Variants in ANO10 observed in about 807,000 individuals in gnomAD.
ANO10 encodes anoctamin 10.
Under a neutral mutation model 74.7 loss-of-function variants are expected in ANO10, and 77 were observed. The ratio of observed to expected loss-of-function variants is 1.03; its 90% CI spans 0.86 to 1.25. The LOEUF is 1.25. Among genes scored for constraint, ANO10 ranks in the 50% most tolerant of loss-of-function variants. ANO10 has a pLI of 0.00. For missense variants in ANO10, 721 were observed against 778.1 expected, an observed-to-expected ratio of 0.93 and a Z score of 0.87; for synonymous variants, 279 against 284.9, an observed-to-expected ratio of 0.98 and a Z score of 0.21.
intron 11 of ANO10, among the ~76,000 whole-genome samples, chr3:43,507,058 CTAATTCCTACTT>C (rs1363858026): frequency 6.6e-6 from 1 of 152,178 alleles, no homozygotes; most frequent in East Asian, 1.9e-4. Flanking sequence ...TGAATGAGTT[CTAATTCCTACTT>C]ATTGGAAGAT....
chr3:43,368,674 CT>C (rs752443109), intron 12 of ANO10, among the ~76,000 whole-genome samples: 14 of 151,412 alleles, frequency 9.2e-5, no homozygotes, highest in Non-Finnish European at 1.6e-4. Context: ...ACTTGTAAGA[CT>C]TTTAAAATGT....
intron 11 of ANO10, among the ~76,000 whole-genome samples, chr3:43,541,691 A>G (rs538195881): frequency 2.0e-4 from 31 of 152,332 alleles, no homozygotes; most frequent in African/African-American, 7.2e-4. Context: ...ACTTGAAAAC[A>G]AAGAGTTAAA....
At chr3:43,454,663 T>G (rs573332420) in intron 11 of ANO10, among the ~76,000 whole-genome samples, 1 of 151,846 alleles carries the variant, frequency 6.6e-6, no homozygotes, top group East Asian at 2.0e-4. Flanking sequence ...AAACAGTGTT[T>G]CCAGGAGAGA....
intron 11 of ANO10, among the ~76,000 whole-genome samples, chr3:43,547,690 A>G (rs1196784415): frequency 6.6e-6 from 1 of 152,208 alleles, no homozygotes; most frequent in East Asian, 1.9e-4. Context: ...AGACTAGCAA[A>G]ACCATCCTGT....
intron 11 of ANO10, among the ~76,000 whole-genome samples, chr3:43,448,873 CT>C (rs35711363): frequency 0.034 from 4,602 of 134,176 alleles, 210 homozygotes; most frequent in African/African-American, 0.12. Flanking sequence ...TTCTTTCTTT[CT>C]TTTTTTTTTT....
chr3:43,624,228 T>C (rs895813460), upstream of ANO10, among the ~76,000 whole-genome samples: 2 of 152,194 alleles, frequency 1.3e-5, no homozygotes, highest in African/African-American at 4.8e-5. Context: ...AAACCACAGA[T>C]AGTACTGAAC....
intron 12 of ANO10, among the ~76,000 whole-genome samples, chr3:43,372,008 CAGCAG>C (rs1040055080): frequency 6.6e-6 from 1 of 152,214 alleles, no homozygotes; most frequent in African/African-American, 2.4e-5. Context: ...AAGGTGCTTG[CAGCAG>C]CCTGTCAGGC....
chr3:43,551,649 G>A (rs2079466374), intron 10 of ANO10: 1 of 437,258 alleles, frequency 2.3e-6, no homozygotes, highest in Non-Finnish European at 4.6e-6. Context: ...ATTTAAGATT[G>A]CTATGTCTTC....
At chr3:43,432,538 A>C (rs2092998557) in intron 12 of ANO10, 73 bp downstream of exon 12, 9 of 1,289,048 alleles carry the variant, frequency 7.0e-6, no homozygotes, top group Non-Finnish European at 1.0e-5. Flanking sequence ...AAATGCTGAG[A>C]CTGATTCTTC....
intron 1 of ANO10, among the ~76,000 whole-genome samples, chr3:43,634,611 T>TA (rs2083586862): frequency 6.6e-6 from 1 of 152,180 alleles, no homozygotes; most frequent in Non-Finnish European, 1.5e-5. Flanking sequence ...GTGCAAAATC[T>TA]AAAACAAGAA....
chr3:43,457,822 C>A (rs2075202659), intron 11 of ANO10, among the ~76,000 whole-genome samples: 1 of 152,164 alleles, frequency 6.6e-6, no homozygotes. Context: ...CTAATGTGTT[C>A]TGAGGAGCTG....
At chr3:43,572,202 G>A (rs1359421979) in intron 7 of ANO10, among the ~76,000 whole-genome samples, 6 of 152,178 alleles carry the variant, frequency 3.9e-5, no homozygotes. Context: ...TGCCAGGGGA[G>A]CCCTGCTAAA....
intron 1 of ANO10, among the ~76,000 whole-genome samples, chr3:43,634,158 A>G (rs1214532206): frequency 6.6e-6 from 1 of 152,218 alleles, no homozygotes; most frequent in African/African-American, 2.4e-5. Flanking sequence ...CCCAACAATT[A>G]GGAGTAGCCT....
rs577666368 is a variant in ANO10, at chr3:43,599,762, C to G, written c.337+622G>C. On this transcript the variant is annotated intron_variant, in intron 3 of 12. Transcript: ENST00000292246. The stretch of plus-strand genomic sequence containing the variant: ...CTATTAAAAATACAAAAAAATTAGC[C>G]AGGTGTGGTGGCGGGCGCCTGTAGT... Among the ~76,000 whole-genome samples the G allele has an allele frequency of 2.0e-5, 3 of 151,924 alleles. No individual in the cohort carries two copies. In the East Asian group the frequency reaches 5.8e-4, roughly 30 times the overall value.
chr3:43,586,765 C>T (rs548101520), intron 4 of ANO10, among the ~76,000 whole-genome samples: 1 of 151,876 alleles, frequency 6.6e-6, no homozygotes, highest in African/African-American at 2.4e-5. Flanking sequence ...AATTAAAACT[C>T]AAAGAGGACC....
intron 11 of ANO10, among the ~76,000 whole-genome samples, chr3:43,539,145 C>G (rs904484247): frequency 2.0e-5 from 3 of 152,130 alleles, no homozygotes; most frequent in Non-Finnish European, 4.4e-5. Flanking sequence ...TATTTCACCC[C>G]TCCTGCTCCC....
At chr3:43,430,097 T>C (rs1263436943) in intron 12 of ANO10, among the ~76,000 whole-genome samples, 1 of 152,172 alleles carries the variant, frequency 6.6e-6, no homozygotes, top group African/African-American at 2.4e-5. Flanking sequence ...TAAATTTATA[T>C]TTCTTTCATT....
intron 1 of ANO10, among the ~76,000 whole-genome samples, chr3:43,616,386 G>A (rs2083107626): frequency 6.6e-6 from 1 of 152,126 alleles, no homozygotes. Context: ...GAACTTACCA[G>A]CCAATAAAGT....
At chr3:43,388,146 G>T (rs1364126088) in intron 12 of ANO10, among the ~76,000 whole-genome samples, 2 of 152,172 alleles carry the variant, frequency 1.3e-5, no homozygotes, top group Non-Finnish European at 2.9e-5. Flanking sequence ...CACAGGGCCT[G>T]GATGCAGAAA....
Sources: allele counts gnomAD v4.1 joint callset (sites outside exome capture counted in the v4.1 genomes callset), GRCh38; gene constraint gnomAD v4.1.1; transcripts MANE v1.5; gene names NCBI Gene and HGNC (gene_info 2026-07-23, HGNC 2026-07-21).